Variants in EPS15 observed in about 807,000 individuals in gnomAD.
EPS15 encodes epidermal growth factor receptor pathway substrate 15.
In EPS15, 72 loss-of-function variants were observed where a neutral mutation model predicts 113.8. That is an observed-to-expected ratio of 0.63 (90% CI 0.52 to 0.77). The LOEUF is 0.77. Ranked by LOEUF, EPS15 falls within the 30% of genes least tolerant of loss-of-function variation. The probability of loss-of-function intolerance (pLI) is 0.00; values close to 1 mark genes in which losing one functional copy is unlikely to be tolerated. For synonymous variants in EPS15, 344 were observed against 363.4 expected (o/e 0.95, Z 0.61); for missense variants, 1,048 against 1,045.8 (o/e 1.00, Z -0.03).
chr1:51,394,834 T>C (rs1246201535), intron 20 of EPS15, among the ~76,000 whole-genome samples: 1 of 152,158 alleles, frequency 6.6e-6, no homozygotes, highest in Non-Finnish European at 1.5e-5. Flanking sequence ...ATCTTGCTAG[T>C]TGTATAGATG....
At position 51,355,735 on chromosome 1, in the gene EPS15, T is replaced by C. The variant is rs774959540; in HGVS notation, c.*965A>G. ...CATTAAAAAAAAAAAAACAAATATATATGAAAAATTAAAGTACCTTCCAGT... is the reference window on the plus strand; with the variant it reads ...CATTAAAAAAAAAAAAACAAATATACATGAAAAATTAAAGTACCTTCCAGT... On this transcript the variant is annotated 3_prime_UTR_variant, in exon 25 of 25. Coordinates refer to ENST00000371733, the MANE Select transcript of EPS15 (RefSeq NM_001981.3). The C allele has an allele frequency of 1.1e-5, 2 of 186,400 alleles. No homozygotes were observed. Among genetic ancestry groups the C allele is most frequent in the Non-Finnish European group, 2.2e-5 (2 of 89,246 alleles). The allele number at this position is 186,400 out of a possible 1,614,324, so 11.5% of individuals were successfully genotyped here.
chr1:51,372,763 C>T (rs1646689407), intron 21 of EPS15: 1 of 415,756 alleles, frequency 2.4e-6, no homozygotes, highest in East Asian at 5.8e-5. Flanking sequence ...GAAGCTGAGG[C>T]AGCTGGAGCT....
chr1:51,396,076 AGAAAT>A (rs1647907743), intron 20 of EPS15, among the ~76,000 whole-genome samples: 3 of 152,174 alleles, frequency 2.0e-5, no homozygotes, highest in Admixed American at 2.0e-4. Context: ...TGAAGTTTTT[AGAAAT>A]GAAAACTATG....
At chr1:51,426,004 T>C (rs1307115281) in intron 12 of EPS15, among the ~76,000 whole-genome samples, 1 of 152,168 alleles carries the variant, frequency 6.6e-6, no homozygotes, top group Non-Finnish European at 1.5e-5. Flanking sequence ...CTCAATATCA[T>C]TCAAAATAAC....
At chr1:51,459,169 A>G (rs1654244025) in intron 8 of EPS15, 1 of 152,256 alleles carries the variant, frequency 6.6e-6, no homozygotes, top group Non-Finnish European at 1.5e-5. Context: ...GCCAAAAACA[A>G]AAGAAAAATA....
At chr1:51,518,085 C>T (rs1246750616) in intron 1 of EPS15, among the ~76,000 whole-genome samples, 1 of 152,086 alleles carries the variant, frequency 6.6e-6, no homozygotes, top group South Asian at 2.1e-4. Flanking sequence ...TCGGGAAGCA[C>T]GCGCCACCAG....
intron 13 of EPS15, among the ~76,000 whole-genome samples, chr1:51,419,536 T>C (rs1472587868): frequency 6.6e-6 from 1 of 152,130 alleles, no homozygotes; most frequent in Non-Finnish European, 1.5e-5. Context: ...CGGCAGGTAC[T>C]GATAGGTCAA....
At chr1:51,357,072 A>T (rs1256723382) in intron 24 of EPS15, among the ~76,000 whole-genome samples, 2 of 151,998 alleles carry the variant, frequency 1.3e-5, no homozygotes, top group Non-Finnish European at 2.9e-5. Flanking sequence ...AAAGTCTATA[A>T]AACTAAATGT....
chr1:51,428,310 G>C (rs915724326), intron 12 of EPS15, among the ~76,000 whole-genome samples: 2 of 152,080 alleles, frequency 1.3e-5, no homozygotes, highest in African/African-American at 4.8e-5. Flanking sequence ...AAGATAAAAA[G>C]ATCTCCAGTA....
At chr1:51,479,128 C>T (rs892108031) in intron 2 of EPS15, among the ~76,000 whole-genome samples, 2 of 152,080 alleles carry the variant, frequency 1.3e-5, no homozygotes, top group African/African-American at 4.8e-5. Context: ...TTACATAGTC[C>T]CATATTTCTT....
At chr1:51,439,342 T>C (rs987228885) in intron 12 of EPS15, among the ~76,000 whole-genome samples, 8 of 152,100 alleles carry the variant, frequency 5.3e-5, no homozygotes, top group South Asian at 2.1e-4. Flanking sequence ...AATCTCAACA[T>C]AGTCTCACAG....
In EPS15 at chr1:51,399,060, C is replaced by A. The variant is rs758298219; in HGVS notation, c.2024G>T (p.Ser675Ile). Residue 675 changes from serine to isoleucine, a missense_variant, in exon 20 of 25, where the codon AGT (serine) becomes ATT (isoleucine). Coordinates refer to ENST00000371733, the MANE Select transcript of EPS15 (RefSeq NM_001981.3). ...PFATSSTDPF[S>I]AANNSSITSV... The stretch of plus-strand genomic sequence containing the variant: ...TGTAATACTGCTATTGTTGGCTGCA[C>A]TGAAAGGGTCAGTGCTTGAAGTGGC... The A allele has an allele frequency of 6.2e-7, 1 of 1,613,910 alleles. No individual in the cohort carries two copies. Among genetic ancestry groups the A allele is most frequent in the East Asian group, 2.2e-5 (1 of 44,880 alleles).
rs78431780 is a variant in EPS15, at chr1:51,369,475, C to G, written c.2120-3446G>C. On this transcript the variant is annotated intron_variant, in intron 21 of 24. Transcript: ENST00000371733. ...CCAGCAGAACTGGGCTTTAGCTGCACTTATGACCTCATTAGTACCGCCTTT... is the reference window on the plus strand; with the variant it reads ...CCAGCAGAACTGGGCTTTAGCTGCAGTTATGACCTCATTAGTACCGCCTTT... Among the ~76,000 whole-genome samples the G allele has an allele frequency of 3.8e-3, 586 of 152,244 alleles. 2 individuals carry two copies. Among genetic ancestry groups the G allele is most frequent in the African/African-American group, 0.013 (529 of 41,546 alleles).
intron 14 of EPS15, 50 bp from the exon 15 acceptor site, chr1:51,408,382 T>C (rs1649342790): frequency 7.2e-7 from 1 of 1,380,122 alleles, no homozygotes; most frequent in South Asian, 1.2e-5. Context: ...AGAAGAGATG[T>C]CATTAAAATG....
intron 21 of EPS15, among the ~76,000 whole-genome samples, chr1:51,375,115 C>T (rs928123874): frequency 1.3e-5 from 2 of 149,908 alleles, no homozygotes; most frequent in South Asian, 4.2e-4. Flanking sequence ...CATTCTCCTG[C>T]CTCAGCCTCC....
chr1:51,427,778 G>C (rs1651352146), intron 12 of EPS15, among the ~76,000 whole-genome samples: 1 of 152,184 alleles, frequency 6.6e-6, no homozygotes, highest in South Asian at 2.1e-4. Flanking sequence ...TTCTACTAGA[G>C]AGAGCTTACG....
Position 51,356,468 on chromosome 1 carries a change from G to A in EPS15, c.*232C>T. 1 of 446,410 alleles carries A rather than the reference G, an allele frequency of 2.2e-6. No individual in the cohort carries two copies. Among genetic ancestry groups the A allele is most frequent in the Non-Finnish European group, 4.0e-6 (1 of 252,158 alleles). 27.7% of individuals were successfully genotyped at this position (446,410 alleles called of 1,614,324 possible). A position where few individuals can be genotyped will look rare whatever the true frequency, so the allele number is the denominator to read the frequency against. On this transcript the variant is annotated 3_prime_UTR_variant, in exon 25 of 25. Coordinates refer to ENST00000371733, the MANE Select transcript of EPS15 (RefSeq NM_001981.3). The stretch of plus-strand genomic sequence containing the variant: ...TCACAGTAAATGTATACCAGAACAG[G>A]GGCCTAAGTGAAGGTGAATTTGTCT...
At chr1:51,449,478 T>G (rs1270643999) in intron 8 of EPS15, among the ~76,000 whole-genome samples, 3 of 151,982 alleles carry the variant, frequency 2.0e-5, no homozygotes, top group Non-Finnish European at 4.4e-5. Context: ...TACCTATCAT[T>G]TATTAAATGA....
At chr1:51,457,404 G>T (rs1307536068) in intron 8 of EPS15, 1 of 151,788 alleles carries the variant, frequency 6.6e-6, no homozygotes, top group Non-Finnish European at 1.5e-5. Flanking sequence ...TTCAACATAG[G>T]AGAAATAAGT....
Sources: allele counts gnomAD v4.1 joint callset (sites outside exome capture counted in the v4.1 genomes callset), GRCh38; gene constraint gnomAD v4.1.1; transcripts MANE v1.5; gene names NCBI Gene and HGNC (gene_info 2026-07-23, HGNC 2026-07-21).